Variants in RHBDL3 observed in about 807,000 individuals in gnomAD.
The protein encoded by RHBDL3 is rhomboid-related protein 3.
A neutral mutation model predicts 48.2 loss-of-function variants in RHBDL3; 28 were observed. The ratio of observed to expected loss-of-function variants is 0.58; its 90% CI spans 0.43 to 0.80. RHBDL3 has a LOEUF of 0.80. Among genes scored for constraint, RHBDL3 ranks in the 30% least tolerant of loss-of-function variants. RHBDL3 has a pLI of 0.00. For missense variants in RHBDL3, 464 were observed against 542.7 expected (o/e 0.85, Z 1.44); for synonymous variants, 208 against 232.3 (o/e 0.90, Z 0.95).
intron 6 of RHBDL3, among the ~76,000 whole-genome samples, chr17:32,303,386 C>T (rs766518043): frequency 1.3e-5 from 2 of 152,184 alleles, no homozygotes; most frequent in African/African-American, 2.4e-5. Context: ...ATGCAGCCTT[C>T]GAAGACAGCC....
intron 2 of RHBDL3, among the ~76,000 whole-genome samples, chr17:32,282,751 TA>T (rs2040085286): frequency 6.6e-6 from 1 of 152,094 alleles, no homozygotes; most frequent in African/African-American, 2.4e-5. Flanking sequence ...GCCTCCCAAG[TA>T]GCTGGGACTA....
rs2039615288 is a variant in RHBDL3, at chr17:32,265,854, C to A, written c.-336C>A. ...GGCGCAGAGCGGGGGCCGCGAGAAG[C>A]GGGAAGGGAGCGCGGGGAGCGGCGG... On this transcript the variant is annotated 5_prime_UTR_variant, in exon 1 of 9. Transcript: ENST00000269051. Among the ~76,000 whole-genome samples, 1 of 147,294 alleles carries A rather than the reference C, an allele frequency of 6.8e-6. No individual in the cohort carries two copies. The highest frequency in any genetic ancestry group is 6.7e-5 in the Admixed American group (1 of 14,838).
intron 8 of RHBDL3, 65 bp downstream of exon 8, chr17:32,316,357 A>G (rs2040973534): frequency 2.4e-6 from 3 of 1,246,672 alleles, no homozygotes; most frequent in Admixed American, 1.7e-5. Flanking sequence ...CAAAGATGGC[A>G]CAGTTCCTGC....
chr17:32,273,633 G>A (rs1262466621), intron 2 of RHBDL3, among the ~76,000 whole-genome samples: 3 of 152,254 alleles, frequency 2.0e-5, no homozygotes, highest in Non-Finnish European at 4.4e-5. Flanking sequence ...TGTGTGTATA[G>A]TGCTTGGCAC....
At chr17:32,274,805 CGT>C (rs1164678350) in intron 2 of RHBDL3, among the ~76,000 whole-genome samples, 1 of 116,588 alleles carries the variant, frequency 8.6e-6, no homozygotes, top group Non-Finnish European at 1.9e-5. Flanking sequence ...TATGTGTGCA[CGT>C]GTGTTTGTGC....
intron 8 of RHBDL3, 91 bp downstream of exon 8, chr17:32,316,383 G>T: frequency 1.0e-6 from 1 of 965,868 alleles, no homozygotes; most frequent in Non-Finnish European, 1.6e-6. Flanking sequence ...ACGGGCTTAT[G>T]GTCAAGAAAA....
At chr17:32,316,360 G>A in intron 8 of RHBDL3, 68 bp downstream of exon 8, 1 of 1,199,644 alleles carries the variant, frequency 8.3e-7, no homozygotes, top group Non-Finnish European at 1.2e-6. Context: ...AGATGGCACA[G>A]TTCCTGCCCT....
At chr17:32,288,519 C>T (rs2040250113) in intron 3 of RHBDL3, 3 of 423,832 alleles carry the variant, frequency 7.1e-6, no homozygotes, top group Non-Finnish European at 1.3e-5. Flanking sequence ...CTCGGTGTCT[C>T]AGTTTCCTAA....
chr17:32,298,001 TG>T, intron 5 of RHBDL3, 90 bp from the exon 6 acceptor site: 1 of 921,426 alleles, frequency 1.1e-6, no homozygotes, highest in Non-Finnish European at 1.8e-6. Flanking sequence ...GCTGGATCCC[TG>T]GCATCTTGGG....
chr17:32,291,771 CTTTTTTTTTT>C (rs36113178), intron 4 of RHBDL3, among the ~76,000 whole-genome samples: 2 of 131,274 alleles, frequency 1.5e-5, no homozygotes, highest in Non-Finnish European at 3.2e-5. Flanking sequence ...TGAGATATTC[CTTTTTTTTTT>C]TTTTTTTTTA....
chr17:32,268,005 C>T (rs2039678497), intron 2 of RHBDL3, 80 bp downstream of exon 2: 2 of 1,079,908 alleles, frequency 1.9e-6, no homozygotes, highest in African/African-American at 1.5e-5. Context: ...GTGGGCTTCC[C>T]TAGCTCCGCG....
chr17:32,280,313 A>C (rs1273554902), intron 2 of RHBDL3: 1 of 151,732 alleles, frequency 6.6e-6, no homozygotes, highest in African/African-American at 2.4e-5. Context: ...CATCAGGAGC[A>C]CCTCACTACC....
intron 2 of RHBDL3, chr17:32,280,878 C>T (rs2040025405): frequency 6.5e-6 from 1 of 153,078 alleles, no homozygotes; most frequent in East Asian, 1.9e-4. Context: ...CCCTTTCTCT[C>T]TCCCCCACGC....
intron 3 of RHBDL3, among the ~76,000 whole-genome samples, chr17:32,285,145 G>A (rs2040164670): frequency 6.6e-6 from 1 of 151,632 alleles, no homozygotes; most frequent in Non-Finnish European, 1.5e-5. Flanking sequence ...AGAGAGGGAG[G>A]GAGGGATGGA....
chr17:32,311,171 C>A (rs2040840327), intron 7 of RHBDL3, among the ~76,000 whole-genome samples: 3 of 152,320 alleles, frequency 2.0e-5, no homozygotes, highest in South Asian at 4.1e-4. Context: ...TACTATCTCA[C>A]TCTTTGAGGC....
intron 7 of RHBDL3, among the ~76,000 whole-genome samples, chr17:32,309,303 G>A (rs892709260): frequency 6.0e-5 from 9 of 151,158 alleles, no homozygotes; most frequent in African/African-American, 1.5e-4. Flanking sequence ...CTGTAATCCC[G>A]GCACTTTGGG....
At chr17:32,284,577 G>A (rs2040149672) in intron 2 of RHBDL3, 82 bp from the exon 3 acceptor site, 2 of 1,370,156 alleles carry the variant, frequency 1.5e-6, no homozygotes, top group Non-Finnish European at 1.0e-6. Flanking sequence ...CCAGTGAATA[G>A]TGGTGGAGAT....
intron 2 of RHBDL3, among the ~76,000 whole-genome samples, chr17:32,275,353 C>A (rs962267803): frequency 1.3e-5 from 2 of 152,200 alleles, no homozygotes; most frequent in African/African-American, 4.8e-5. Flanking sequence ...CCCTCAGTGG[C>A]CTGCCAAAGG....
intron 7 of RHBDL3, among the ~76,000 whole-genome samples, chr17:32,307,392 C>T (rs2040735774): frequency 6.6e-6 from 1 of 152,218 alleles, no homozygotes; most frequent in South Asian, 2.1e-4. Flanking sequence ...GTGCACAGGG[C>T]TTGGCGTTCC....
Sources: gnomAD v4.1 joint callset for allele counts (sites outside exome capture counted in the v4.1 genomes callset) on GRCh38, gnomAD v4.1.1 for gene constraint, MANE v1.5 for transcripts, NCBI Gene and HGNC (gene_info 2026-07-23, HGNC 2026-07-21) for gene names.